Variants in TANK observed in about 807,000 individuals in gnomAD.
TANK encodes TRAF family member-associated NF-kappa-B activator.
Under a neutral mutation model 43.6 loss-of-function variants are expected in TANK, and 15 were observed. That is an observed-to-expected ratio of 0.34 (90% CI 0.23 to 0.53). TANK has a LOEUF of 0.53. TANK is among the 20% of genes least tolerant of loss of function. TANK has a pLI of 0.94. For synonymous variants in TANK, 162 were observed against 178.2 expected, an observed-to-expected ratio of 0.91 and a Z score of 0.73; for missense variants, 417 against 498.6, an observed-to-expected ratio of 0.84 and a Z score of 1.56.
Position 161,144,678 on chromosome 2 carries a change from C to A in TANK, c.-50+7615C>A, listed in dbSNP as rs1295079565. Among the ~76,000 whole-genome samples the A allele has an allele frequency of 2.6e-5, 4 of 152,174 alleles. No individual in the cohort carries two copies. In the East Asian group the frequency reaches 7.7e-4, roughly 29 times the overall value. ...CTGGTCTGAGAGACTGTTATAATTT[C>A]AGTTCTTTTGCATTTGCTGAGGAGT... On this transcript the variant is annotated intron_variant, in intron 1 of 7. Coordinates refer to the TANK transcript ENST00000259075.
intron 7 of TANK, among the ~76,000 whole-genome samples, chr2:161,232,345 T>G (rs540738072): frequency 6.6e-6 from 1 of 152,336 alleles, no homozygotes; most frequent in South Asian, 2.1e-4. Context: ...TAAATGTCTA[T>G]GTAACTTGCA....
At chr2:161,192,224 G>A (rs1685949465) in intron 2 of TANK, among the ~76,000 whole-genome samples, 1 of 152,100 alleles carries the variant, frequency 6.6e-6, no homozygotes, top group Admixed American at 6.6e-5. Context: ...ACTGCTACTT[G>A]GAAGGCATAT....
chr2:161,165,255 G>A (rs774621250), intron 1 of TANK, among the ~76,000 whole-genome samples: 9 of 152,090 alleles, frequency 5.9e-5, no homozygotes, highest in Non-Finnish European at 1.0e-4. Context: ...CTATTGAACA[G>A]CGAAACAACC....
At chr2:161,193,671 A>G (rs754640790) in intron 2 of TANK, among the ~76,000 whole-genome samples, 11 of 152,204 alleles carry the variant, frequency 7.2e-5, no homozygotes, top group Non-Finnish European at 1.5e-4. Context: ...CCCTCTCCCA[A>G]ATCACAATGG....
intron 1 of TANK, among the ~76,000 whole-genome samples, chr2:161,144,398 T>G (rs1683843244): frequency 6.6e-6 from 1 of 152,218 alleles, no homozygotes; most frequent in African/African-American, 2.4e-5. Flanking sequence ...AATTGTGATG[T>G]TAGGTTGTCA....
chr2:161,225,512 C>G (rs1369563245), intron 6 of TANK, among the ~76,000 whole-genome samples: 1 of 152,104 alleles, frequency 6.6e-6, no homozygotes, highest in African/African-American at 2.4e-5. Flanking sequence ...TTCCTAAAAC[C>G]CCAGACTGGC....
chr2:161,156,516 T>G (rs1414315701), upstream of TANK, among the ~76,000 whole-genome samples: 1 of 152,232 alleles, frequency 6.6e-6, no homozygotes, highest in African/African-American at 2.4e-5. Flanking sequence ...TTCACTTTCT[T>G]TGTATTTTGA....
rs943161904 is a variant in TANK, at chr2:161,208,032, A to C, written c.327+3239A>C. 3.3e-5 allele frequency: 24 copies of C among 716,930 alleles called. No homozygotes were observed. In the East Asian group the frequency reaches 3.2e-3, roughly 95 times the overall value. 44.4% of individuals were successfully genotyped at this position (716,930 alleles called of 1,614,324 possible). A position where few individuals can be genotyped will look rare whatever the true frequency, so the allele number is the denominator to read the frequency against. ...ATGCTTTGAACCAGTAACAGAAGGAAGCCACTACGAGCCACCCACAGTGCT... is the reference window on the plus strand; with the variant it reads ...ATGCTTTGAACCAGTAACAGAAGGACGCCACTACGAGCCACCCACAGTGCT... On this transcript the variant is annotated intron_variant, in intron 4 of 7. Coordinates refer to ENST00000392749, the MANE Select transcript of TANK (RefSeq NM_001199135.3).
chr2:161,181,624 G>A (rs775973159), intron 2 of TANK, among the ~76,000 whole-genome samples: 25 of 152,184 alleles, frequency 1.6e-4, no homozygotes, highest in Non-Finnish European at 2.8e-4. Context: ...AAGGAGGGGG[G>A]GATGTGCCAC....
intron 1 of TANK, chr2:161,160,882 T>G (rs965105781): frequency 4.2e-6 from 2 of 477,624 alleles, no homozygotes; most frequent in African/African-American, 2.0e-5. Context: ...GACTGCCTCC[T>G]AGAATCAAGT....
At chr2:161,228,978 C>T (rs1687771501) in intron 6 of TANK, among the ~76,000 whole-genome samples, 2 of 152,326 alleles carry the variant, frequency 1.3e-5, no homozygotes, top group South Asian at 4.1e-4. Flanking sequence ...ATGATGTTTG[C>T]ACAATGACAA....
At chr2:161,201,583 G>A (rs1412757146) in intron 2 of TANK, among the ~76,000 whole-genome samples, 1 of 152,180 alleles carries the variant, frequency 6.6e-6, no homozygotes, top group African/African-American at 2.4e-5. Flanking sequence ...ATTGATTGAT[G>A]TTTGTGAAGA....
upstream of TANK, among the ~76,000 whole-genome samples, chr2:161,158,935 T>C (rs1397795741): frequency 2.0e-5 from 3 of 152,138 alleles, no homozygotes; most frequent in Admixed American, 2.0e-4. Flanking sequence ...TAAATAGCCA[T>C]ATGAAAAGAT....
At chr2:161,192,205 A>G (rs193297141) in intron 2 of TANK, among the ~76,000 whole-genome samples, 96 of 152,214 alleles carry the variant, frequency 6.3e-4, no homozygotes, top group Non-Finnish European at 3.8e-4. Context: ...CTGTATACCC[A>G]TTTGTATCAC....
chr2:161,194,921 T>G (rs1486688353), intron 2 of TANK, among the ~76,000 whole-genome samples: 2 of 152,162 alleles, frequency 1.3e-5, no homozygotes. Context: ...CATTCTGGTT[T>G]TTTTTCCTAA....
At chr2:161,175,726 A>C (rs1311758606) in intron 1 of TANK, among the ~76,000 whole-genome samples, 1 of 152,128 alleles carries the variant, frequency 6.6e-6, no homozygotes, top group Non-Finnish European at 1.5e-5. Flanking sequence ...TTCTTCATGG[A>C]CAGGCACACC....
At chr2:161,219,875 CCTA>C (rs1166501077) in intron 4 of TANK, 1 of 364,588 alleles carries the variant, frequency 2.7e-6, no homozygotes, top group Non-Finnish European at 5.4e-6. Flanking sequence ...CAGTTTTTTT[CCTA>C]CTACTTACTT....
chr2:161,180,127 A>G (rs920291352), intron 2 of TANK: 2 of 995,332 alleles, frequency 2.0e-6, no homozygotes, highest in Non-Finnish European at 2.4e-6. Flanking sequence ...GGTGTTTTTT[A>G]TGTTGTTATT....
intron 1 of TANK, among the ~76,000 whole-genome samples, chr2:161,168,174 G>T (rs1284118941): frequency 6.6e-6 from 1 of 152,108 alleles, no homozygotes; most frequent in Non-Finnish European, 1.5e-5. Context: ...TTACATTTCA[G>T]TGCCTCTCTG....
Sources: allele counts gnomAD v4.1 joint callset (sites outside exome capture counted in the v4.1 genomes callset), GRCh38; gene constraint gnomAD v4.1.1; transcripts MANE v1.5; gene names NCBI Gene and HGNC (gene_info 2026-07-23, HGNC 2026-07-21).